ACSF3: variants seen among roughly 807,000 people sequenced by gnomAD.
ACSF3 encodes malonate--CoA ligase ACSF3, mitochondrial.
Under a neutral mutation model 53.2 loss-of-function variants are expected in ACSF3, and 78 were observed. That is an observed-to-expected ratio of 1.47 (90% CI 1.22 to 1.77). The LOEUF is 1.77. Among genes scored for constraint, ACSF3 ranks in the 40% most tolerant of loss-of-function variants. The pLI, the probability that ACSF3 is intolerant of heterozygous loss-of-function variation, is 0.00. For synonymous variants in ACSF3, 414 were observed against 333.1 expected (o/e 1.24, Z -2.65); for missense variants, 937 against 771.1 (o/e 1.22, Z -2.55).
intron 7 of ACSF3, among the ~76,000 whole-genome samples, chr16:89,131,300 C>A (rs998910140): frequency 6.6e-5 from 10 of 151,232 alleles, no homozygotes; most frequent in Admixed American, 6.6e-4. Context: ...TAGTTTTTAT[C>A]TTTTTTGTAG....
At chr16:89,106,307 T>C (rs2151427500) in intron 4 of ACSF3, among the ~76,000 whole-genome samples, 1 of 152,078 alleles carries the variant, frequency 6.6e-6, no homozygotes, top group African/African-American at 2.4e-5. Context: ...TTTTTTTTTT[T>C]TTTGAGATGG....
At chr16:89,141,266 C>T (rs181550517) in intron 8 of ACSF3, 1,063 of 1,287,272 alleles carry the variant, frequency 8.3e-4, no homozygotes, top group Non-Finnish European at 9.7e-4. Context: ...GGCAAAGGCA[C>T]AGCAAGGCGG....
intron 7 of ACSF3, among the ~76,000 whole-genome samples, chr16:89,128,114 T>C (rs1207663785): frequency 6.6e-6 from 1 of 151,878 alleles, no homozygotes; most frequent in African/African-American, 2.4e-5. Context: ...TTTTCTCTTT[T>C]TCTAGTTGCT....
chr16:89,142,085 G>A (rs1911873695), intron 8 of ACSF3, among the ~76,000 whole-genome samples: 2 of 152,190 alleles, frequency 1.3e-5, no homozygotes, highest in Admixed American at 6.5e-5. Context: ...CGACCCCTAC[G>A]GTTCTTCCCT....
chr16:89,114,658 C>A, intron 6 of ACSF3, 171 bp downstream of exon 6: 1 of 938,164 alleles, frequency 1.1e-6, no homozygotes, highest in South Asian at 1.4e-5. Context: ...GACCTGTCCC[C>A]TCTGGGTAGA....
At chr16:89,153,808 G>A in intron 10 of ACSF3, 1 of 488,088 alleles carries the variant, frequency 2.0e-6, no homozygotes, top group Non-Finnish European at 3.8e-6. Context: ...ACTCTGTGCA[G>A]GCCTATCCTC....
chr16:89,151,613 T>A (rs560672615), intron 10 of ACSF3: 240 of 150,440 alleles, frequency 1.6e-3, no homozygotes, highest in African/African-American at 3.7e-3. Flanking sequence ...CACCATATAT[T>A]TTTTTTTTTT....
chr16:89,142,047 GC>G (rs2151551480), intron 8 of ACSF3, among the ~76,000 whole-genome samples: 1 of 152,346 alleles, frequency 6.6e-6, no homozygotes, highest in South Asian at 2.1e-4. Flanking sequence ...GAAGCCTGGG[GC>G]CCTGGGAATG....
chr16:89,118,900 T>G (rs1905883139), intron 6 of ACSF3, among the ~76,000 whole-genome samples: 1 of 152,194 alleles, frequency 6.6e-6, no homozygotes, highest in African/African-American at 2.4e-5. Flanking sequence ...CCATCTACAT[T>G]GGCCTTTGCG....
Position 89,145,384 on chromosome 16 carries a change from C to A in ACSF3, c.1484C>A (p.Ala495Asp), listed in dbSNP as rs778101996. ...SALEVEWHLL[A>D]HPSITDVAVI... ...CTGGAGGTGGAGTGGCACCTGCTGG[C>A]CCACCCCAGCATCACAGGTGCGTGG... is the stretch of plus-strand genomic sequence containing the variant. Residue 495 changes from alanine (A) to aspartate (D), a missense_variant, in exon 9 of 11, where the codon GCC (alanine) becomes GAC (aspartate). Coordinates refer to ENST00000614302, the MANE Select transcript of ACSF3 (RefSeq NM_001243279.3). 5.6e-6 allele frequency: 9 copies of A among 1,613,958 alleles called. No individual in the cohort carries two copies. In the African/African-American group the frequency reaches 9.3e-5, roughly 17 times the overall value.
intron 2 of ACSF3, among the ~76,000 whole-genome samples, 195 bp from the exon 3 acceptor site, chr16:89,100,462 CTGAGA>C (rs1158406070): frequency 6.6e-6 from 1 of 152,202 alleles, no homozygotes; most frequent in Non-Finnish European, 1.5e-5. Context: ...AAATAGAAAG[CTGAGA>C]TGCTGGGCAC....
intron 8 of ACSF3, among the ~76,000 whole-genome samples, chr16:89,141,833 C>T (rs565892506): frequency 8.1e-4 from 124 of 152,324 alleles, no homozygotes; most frequent in African/African-American, 2.5e-3. Flanking sequence ...CTGCACGCCA[C>T]ACACGTGCTC....
At chr16:89,144,569 C>A (rs1376673529) in intron 8 of ACSF3, among the ~76,000 whole-genome samples, 1 of 152,258 alleles carries the variant, frequency 6.6e-6, no homozygotes, top group South Asian at 2.1e-4. Context: ...TGGTTCACTT[C>A]TTTTACTGAA....
At chr16:89,117,854 A>G (rs1238986824) in intron 6 of ACSF3, among the ~76,000 whole-genome samples, 1 of 150,782 alleles carries the variant, frequency 6.6e-6, no homozygotes, top group East Asian at 2.0e-4. Flanking sequence ...TTATTGGGCA[A>G]GAAACCTGAG....
chr16:89,110,565 G>A (rs967665987), intron 4 of ACSF3, among the ~76,000 whole-genome samples: 6 of 152,314 alleles, frequency 3.9e-5, no homozygotes, highest in South Asian at 2.1e-4. Flanking sequence ...TCTGGTTTAC[G>A]TCAGTTTTGG....
intron 5 of ACSF3, 61 bp from the exon 6 acceptor site, chr16:89,114,278 A>G (rs1904638878): frequency 6.2e-7 from 1 of 1,608,006 alleles, no homozygotes; most frequent in Admixed American, 1.7e-5. Context: ...TAAACCTGCC[A>G]CCTTTGCACG....
chr16:89,098,736 T>C lies in ACSF3; in HGVS notation c.-48T>C. 1 of 454,168 alleles carries C rather than the reference T, an allele frequency of 2.2e-6. No homozygotes were observed. The highest frequency in any genetic ancestry group is 2.0e-5 in the African/African-American group (1 of 50,142). 28.1% of individuals were successfully genotyped at this position (454,168 alleles called of 1,614,324 possible). A position where few individuals can be genotyped will look rare whatever the true frequency, so the allele number is the denominator to read the frequency against. ...CTCTTGTGAACTGCGAACTTCCCCT[T>C]ACCTCCTCTCTCTGGCTCGGGAGCT... On this transcript the variant is annotated 5_prime_UTR_variant, in exon 2 of 11. Transcript: ENST00000614302.
At chr16:89,128,330 G>T (rs1299753742) in intron 7 of ACSF3, among the ~76,000 whole-genome samples, 1 of 149,814 alleles carries the variant, frequency 6.7e-6, no homozygotes, top group African/African-American at 2.5e-5. Flanking sequence ...GCATGATCTT[G>T]GCTCACTGCA....
Position 89,117,046 on chromosome 16 carries a change from G to A in ACSF3, c.1126+2559G>A, listed in dbSNP as rs188524512. ...GCCACAGTCACCACGTAATATGGAC[G>A]GAATGAGCAAAGCCCGGCTCGCTGA... On this transcript the variant is annotated intron_variant, in intron 6 of 10. Coordinates refer to ENST00000614302, the MANE Select transcript of ACSF3 (RefSeq NM_001243279.3). Among the ~76,000 whole-genome samples the A allele has an allele frequency of 1.1e-3, 168 of 152,314 alleles. 2 individuals are homozygous for A. The highest frequency in any genetic ancestry group is 3.7e-3 in the African/African-American group (154 of 41,560).
Sources: gnomAD v4.1 joint callset for allele counts (sites outside exome capture counted in the v4.1 genomes callset) on GRCh38, gnomAD v4.1.1 for gene constraint, MANE v1.5 for transcripts, NCBI Gene and HGNC (gene_info 2026-07-23, HGNC 2026-07-21) for gene names.